Variants in CPNE5 observed in about 807,000 individuals in gnomAD.
The protein encoded by CPNE5 is copine 5.
In CPNE5, 42 loss-of-function variants were observed where a neutral mutation model predicts 81.1. That is an observed-to-expected ratio of 0.52 (90% CI 0.40 to 0.67). The LOEUF is 0.67. Among genes scored for constraint, CPNE5 ranks in the 30% least tolerant of loss-of-function variants. CPNE5 has a pLI of 0.00. For synonymous variants in CPNE5, 313 were observed against 321.5 expected (o/e 0.97, Z 0.28); for missense variants, 612 against 815.5 (o/e 0.75, Z 3.04).
Position 36,827,613 on chromosome 6 carries a change from A to T in CPNE5, c.96-4515T>A, listed in dbSNP as rs560686041. The T allele has an allele frequency of 4.1e-6, 4 of 985,452 alleles. No individual in the cohort carries two copies. In the African/African-American group the frequency reaches 7.0e-5, roughly 17 times the overall value. The allele number at this position is 985,452 out of a possible 1,614,324, so 61.0% of individuals were successfully genotyped here. A position where few individuals can be genotyped will look rare whatever the true frequency, so the allele number is the denominator to read the frequency against. ...CACAGACCACAACACACACACGTGT[A>T]GCACCAGAAGTTTCTTCGAGGTAAA... is the stretch of plus-strand genomic sequence containing the variant. On this transcript the variant is annotated intron_variant, in intron 1 of 20. Transcript: ENST00000244751.
intron 7 of CPNE5, chr6:36,792,566 G>C (rs1360830389): frequency 2.2e-6 from 1 of 463,922 alleles, no homozygotes; most frequent in Non-Finnish European, 4.2e-6. Context: ...GAAGGCAGGA[G>C]GGCTGGTGGG....
rs778490420 is a variant in CPNE5 at position 36,745,164 on chromosome 6, G to C, written c.1329-14C>G. 6.2e-7 allele frequency: 1 copy of C among 1,605,706 alleles called. No individual in the cohort carries two copies. The highest frequency in any genetic ancestry group is 1.3e-5 in the African/African-American group (1 of 74,750). ...GCCGCTGCATTCCTGGGTGGGGCAG[G>C]TGTGGGCTCAGGTCTGTCTGCGGGA... On this transcript the variant is annotated splice_polypyrimidine_tract_variant and intron_variant, in intron 17 of 20. Transcript: ENST00000244751.
chr6:36,744,483 G>T, intron 18 of CPNE5, 158 bp from the exon 19 acceptor site: 1 of 645,778 alleles, frequency 1.5e-6, no homozygotes. Flanking sequence ...GGTAGGGAGA[G>T]GGAGGGCACT....
At chr6:36,767,131 G>C (rs112430067) in intron 10 of CPNE5, among the ~76,000 whole-genome samples, 2,547 of 152,256 alleles carry the variant, frequency 0.017, 61 homozygotes, top group African/African-American at 0.054. Context: ...ACTGGGATTA[G>C]AGGCATGAGC....
rs143417011 is a variant in CPNE5, at chr6:36,748,261, C to G, written c.978G>C (p.Gln326His). Reference sequence around the variant, plus strand: ...AATCAATGGCCACAGTGAAGTTGATCTGGGTCCTAGAAGAGGGAGAACAGC... The same window carrying G: ...AATCAATGGCCACAGTGAAGTTGATGTGGGTCCTAGAAGAGGGAGAACAGC... ...TFLDYIKGGT[Q>H]INFTVAIDFT... Residue 326 changes from glutamine (Q) to histidine (H), a missense_variant, in exon 15 of 21, where the codon CAG becomes CAC. Physicochemically the swap from Gln to His is conservative, Grantham distance 24. Coordinates refer to ENST00000244751, the MANE Select transcript of CPNE5 (RefSeq NM_020939.2). 9.2e-5 allele frequency: 148 copies of G among 1,614,146 alleles called. No homozygotes were observed. The East Asian group carries it at 3.2e-3, about 35-fold the overall frequency.
chr6:36,825,200 G>A (rs571482738), intron 1 of CPNE5, among the ~76,000 whole-genome samples: 5 of 152,088 alleles, frequency 3.3e-5, no homozygotes, highest in African/African-American at 9.7e-5. Context: ...CATGCCCCAC[G>A]CCCTAAGGTG....
Position 36,746,327 on chromosome 6 carries a change from C to T in CPNE5, c.1200+69G>A. ...CGGGCTCAGAGGAAGGGAAACGTCC[C>T]CCCACCCCCAGCTTGTCACCTCACC... is the stretch of plus-strand genomic sequence containing the variant. On this transcript the variant is annotated intron_variant, in intron 16 of 20. Coordinates refer to ENST00000244751, the MANE Select transcript of CPNE5 (RefSeq NM_020939.2). This position sits in a 1 kb window ranked among gnomAD's most constrained non-coding sequence, Gnocchi z 4.5. 1.4e-6 allele frequency: 2 copies of T among 1,394,602 alleles called. No homozygotes were observed. The highest frequency in any genetic ancestry group is 1.3e-5 in the South Asian group (1 of 75,488). 86.4% of individuals were successfully genotyped at this position (1,394,602 alleles called of 1,614,324 possible).
intron 1 of CPNE5, among the ~76,000 whole-genome samples, chr6:36,837,215 A>T (rs573649555): frequency 6.6e-6 from 1 of 152,348 alleles, no homozygotes; most frequent in East Asian, 1.9e-4. Context: ...CTGCAAGTTA[A>T]TTCCTCCAAC....
intron 8 of CPNE5, among the ~76,000 whole-genome samples, chr6:36,787,143 C>T (rs1768632762): frequency 6.6e-6 from 1 of 152,208 alleles, no homozygotes; most frequent in African/African-American, 2.4e-5. Context: ...CCTTCACCAC[C>T]TCCCCCACTT....
In CPNE5 at chr6:36,794,112, T is replaced by C. The variant is rs537486019; in HGVS notation, c.464+478A>G. 2.0e-5 allele frequency among the ~76,000 whole-genome samples: 3 copies of C among 147,608 alleles called. No homozygotes were observed. In the Admixed American group the frequency reaches 2.1e-4, roughly 10 times the overall value. On this transcript the variant is annotated intron_variant, in intron 7 of 20. Coordinates refer to ENST00000244751, the MANE Select transcript of CPNE5 (RefSeq NM_020939.2). ...CAAACGTGAAAAGTGGGGATTCAGCTGGATCTACTCTGTGGTGAGGAGGAG... is the reference window on the plus strand; with the variant it reads ...CAAACGTGAAAAGTGGGGATTCAGCCGGATCTACTCTGTGGTGAGGAGGAG...
chr6:36,806,924 C>T lies in CPNE5; in HGVS notation c.184-6854G>A, dbSNP rs553733652. On this transcript the variant is annotated intron_variant, in intron 3 of 20. Transcript: ENST00000244751. ...GGGGCCATGGCCCCCCAACACCAGCCTCCTCCACATTGTAGAAAGTGGCCA... is the reference window on the plus strand; with the variant it reads ...GGGGCCATGGCCCCCCAACACCAGCTTCCTCCACATTGTAGAAAGTGGCCA... Among the ~76,000 whole-genome samples the T allele has an allele frequency of 2.0e-5, 3 of 152,384 alleles. No homozygotes were observed. In the South Asian group the frequency reaches 6.2e-4, roughly 32 times the overall value.
intron 3 of CPNE5, among the ~76,000 whole-genome samples, chr6:36,806,487 G>T (rs150665946): frequency 1.3e-5 from 2 of 152,060 alleles, no homozygotes; most frequent in African/African-American, 2.4e-5. Context: ...TTCTCCCATC[G>T]CCACGGCAAG....
At chr6:36,761,576 C>T (rs1399522472) in intron 12 of CPNE5, among the ~76,000 whole-genome samples, 5 of 152,192 alleles carry the variant, frequency 3.3e-5, no homozygotes, top group Non-Finnish European at 5.9e-5. Flanking sequence ...TGAGTGGCTG[C>T]TAGCATGAGG....
chr6:36,829,985 T>C (rs1457378790), intron 1 of CPNE5, among the ~76,000 whole-genome samples: 1 of 151,884 alleles, frequency 6.6e-6, no homozygotes, highest in Non-Finnish European at 1.5e-5. Flanking sequence ...GGGAGAGAGA[T>C]GACACCCAAC....
chr6:36,799,053 C>T (rs1769863028), intron 4 of CPNE5, among the ~76,000 whole-genome samples: 1 of 152,134 alleles, frequency 6.6e-6, no homozygotes, highest in Non-Finnish European at 1.5e-5. Flanking sequence ...TACAGCTGGC[C>T]TCCTCCCCTC....
chr6:36,810,713 C>A (rs1771028834), intron 3 of CPNE5, among the ~76,000 whole-genome samples: 1 of 152,242 alleles, frequency 6.6e-6, no homozygotes, highest in African/African-American at 2.4e-5. Context: ...GGCCACCCCT[C>A]CTCGTTGCAG....
rs200166457 is a variant in CPNE5, at chr6:36,742,466, G to T, written c.1584C>A (p.Tyr528Ter). ...DIVQFVPFRD[Y>*]VDRTGNHVLS... Reference sequence around the variant, plus strand: ...GCACGTGGTTGCCTGTGCGGTCCACGTAGTCCCGGAAGGGTACAAACTGGC... The same window carrying T: ...GCACGTGGTTGCCTGTGCGGTCCACTTAGTCCCGGAAGGGTACAAACTGGC... The change falls in exon 21 of 21, where the codon TAC (tyrosine) becomes TAA (stop). Residue 528 changes from tyrosine (Y) to a stop codon, truncating the protein, a stop_gained. Coordinates refer to ENST00000244751, the MANE Select transcript of CPNE5 (RefSeq NM_020939.2). LOFTEE classifies it high-confidence loss of function. 1.2e-6 allele frequency: 2 copies of T among 1,612,592 alleles called. No individual in the cohort carries two copies. The highest frequency in any genetic ancestry group is 8.5e-7 in the Non-Finnish European group (1 of 1,179,910).
At chr6:36,832,812 T>C (rs917068491) in intron 1 of CPNE5, among the ~76,000 whole-genome samples, 2 of 148,112 alleles carry the variant, frequency 1.4e-5, no homozygotes, top group African/African-American at 5.1e-5. Flanking sequence ...GCCTCCTCCC[T>C]ACCCTTTCTT....
intron 8 of CPNE5, among the ~76,000 whole-genome samples, chr6:36,780,284 G>T (rs1767928570): frequency 1.3e-5 from 2 of 152,132 alleles, no homozygotes; most frequent in Admixed American, 6.5e-5. Flanking sequence ...TTAATGAGGG[G>T]GAGTGTCTTG....
Sources: gnomAD v4.1 joint callset for allele counts (sites outside exome capture counted in the v4.1 genomes callset) on GRCh38, gnomAD v4.1.1 for gene constraint, Gnocchi (gnomAD v3.1) non-coding constraint, MANE v1.5 for transcripts, NCBI Gene and HGNC (gene_info 2026-07-23, HGNC 2026-07-21) for gene names.